The following SGMS1 variants were observed in gnomAD, a reference collection of about 807,000 sequenced individuals.
SGMS1 encodes the protein phosphatidylcholine:ceramide cholinephosphotransferase 1.
A neutral mutation model predicts 46.2 loss-of-function variants in SGMS1; 13 were observed. That is an observed-to-expected ratio of 0.28 (90% CI 0.18 to 0.45). SGMS1 has a LOEUF of 0.45. Ranked by LOEUF, SGMS1 falls within the 20% of genes least tolerant of loss-of-function variation. The pLI is 1.00. For missense variants in SGMS1, 324 were observed against 519.9 expected (o/e 0.62, Z 3.66); for synonymous variants, 203 against 187.8 (o/e 1.08, Z -0.66).
At chr10:50,350,241 T>C (rs951005671) in intron 6 of SGMS1, among the ~76,000 whole-genome samples, 1 of 152,156 alleles carries the variant, frequency 6.6e-6, no homozygotes, top group Admixed American at 6.5e-5. Context: ...AGAGACGTTT[T>C]AGGGTACCTG....
chr10:50,539,603 A>G (rs532461174), intron 2 of SGMS1, among the ~76,000 whole-genome samples: 11 of 152,148 alleles, frequency 7.2e-5, no homozygotes, highest in Non-Finnish European at 1.6e-4. Flanking sequence ...GGGCCTCTCA[A>G]ATTCTGATTC....
chr10:50,475,581 GTT>G (rs1837413458), intron 3 of SGMS1, among the ~76,000 whole-genome samples: 1 of 152,180 alleles, frequency 6.6e-6, no homozygotes, highest in African/African-American at 2.4e-5. Flanking sequence ...GGTTGATATA[GTT>G]TGGCTCTGTG....
At chr10:50,537,143 G>C (rs115099836) in intron 2 of SGMS1, among the ~76,000 whole-genome samples, 1,763 of 152,278 alleles carry the variant, frequency 0.012, 32 homozygotes, top group African/African-American at 0.041. Context: ...CTAACTGAAT[G>C]ACTGATACAT....
At chr10:50,336,029 C>T (rs1414389662) in intron 7 of SGMS1, 1 of 152,038 alleles carries the variant, frequency 6.6e-6, no homozygotes, top group Non-Finnish European at 1.5e-5. Flanking sequence ...CAAAGAAGAC[C>T]ACCAGTTCAC....
At chr10:50,560,417 C>T (rs1266551284) in intron 2 of SGMS1, among the ~76,000 whole-genome samples, 1 of 136,006 alleles carries the variant, frequency 7.4e-6, no homozygotes, top group Non-Finnish European at 1.5e-5. Context: ...ACATATATTA[C>T]ATAATATGTG....
intron 2 of SGMS1, among the ~76,000 whole-genome samples, chr10:50,580,586 A>G (rs1338364597): frequency 6.6e-6 from 1 of 152,180 alleles, no homozygotes; most frequent in Admixed American, 6.5e-5. Flanking sequence ...GGTTGATATT[A>G]ATGACGTGAG....
At chr10:50,457,774 T>C (rs1837211253) in intron 5 of SGMS1, among the ~76,000 whole-genome samples, 1 of 152,206 alleles carries the variant, frequency 6.6e-6, no homozygotes, top group Non-Finnish European at 1.5e-5. Flanking sequence ...TAAATATTCA[T>C]CAAATTTTCT....
At chr10:50,588,721 ATTTTTTTTTT>A (rs71029314) in intron 2 of SGMS1, among the ~76,000 whole-genome samples, 202 of 92,232 alleles carry the variant, frequency 2.2e-3, no homozygotes, top group African/African-American at 8.3e-3. Context: ...GACTGATCTA[ATTTTTTTTTT>A]TTTTTTTTTT....
At chr10:50,494,127 T>C (rs1035393546) in intron 3 of SGMS1, among the ~76,000 whole-genome samples, 1 of 152,146 alleles carries the variant, frequency 6.6e-6, no homozygotes, top group Non-Finnish European at 1.5e-5. Context: ...AGTCAAAAAA[T>C]AACAAATGCT....
intron 7 of SGMS1, chr10:50,328,252 CCT>C (rs1316537561): frequency 4.3e-6 from 1 of 231,066 alleles, no homozygotes; most frequent in Non-Finnish European, 8.7e-6. Flanking sequence ...TCCCTCTCTA[CCT>C]CTCTCTTGTA....
At chr10:50,477,764 G>A (rs1200984773) in intron 3 of SGMS1, among the ~76,000 whole-genome samples, 3 of 152,098 alleles carry the variant, frequency 2.0e-5, no homozygotes, top group African/African-American at 7.2e-5. Context: ...AACATGTGTA[G>A]TACCTCCTCC....
At chr10:50,538,223 C>A (rs7902354) in intron 2 of SGMS1, among the ~76,000 whole-genome samples, 1 of 151,380 alleles carries the variant, frequency 6.6e-6, no homozygotes, top group Non-Finnish European at 1.5e-5. Flanking sequence ...TTTGGGAGGC[C>A]GAGGCAGGCA....
chr10:50,481,860 A>G (rs1052659875), intron 3 of SGMS1, among the ~76,000 whole-genome samples: 7 of 152,212 alleles, frequency 4.6e-5, no homozygotes, highest in Non-Finnish European at 8.8e-5. Flanking sequence ...AAAACACAAC[A>G]TGAGAACTTC....
In SGMS1 at chr10:50,306,784, T is replaced by TA. The variant is rs1327662660; in HGVS notation, c.*357dup. ...TGAAAAGTATGTTTTCCCAAGAAAA[T>TA]AATACGCTTTATTTCCAGATGTGAC... On this transcript the variant is annotated 3_prime_UTR_variant, in exon 11 of 11. Coordinates refer to ENST00000361781, the MANE Select transcript of SGMS1 (RefSeq NM_147156.4). 7 of 166,570 alleles carry TA rather than the reference T, an allele frequency of 4.2e-5. No homozygotes were observed. Among genetic ancestry groups the TA allele is most frequent in the Admixed American group, 1.3e-4 (2 of 15,668 alleles). The allele number at this position is 166,570 out of a possible 1,614,324, so 10.3% of individuals were successfully genotyped here. A position where few individuals can be genotyped will look rare whatever the true frequency, so the allele number is the denominator to read the frequency against.
chr10:50,433,399 T>G (rs939157299), intron 6 of SGMS1, 77 bp downstream of exon 6: 10 of 152,376 alleles, frequency 6.6e-5, no homozygotes, highest in Admixed American at 6.5e-4. Context: ...GATTGTGCTA[T>G]CCTTTTACCA....
intron 7 of SGMS1, among the ~76,000 whole-genome samples, chr10:50,338,001 T>A (rs930354503): frequency 1.3e-5 from 2 of 152,200 alleles, no homozygotes; most frequent in African/African-American, 4.8e-5. Flanking sequence ...TGGAAAGTTG[T>A]ATCTGTTCAT....
chr10:50,316,727 A>G (rs1847345462), intron 8 of SGMS1, among the ~76,000 whole-genome samples: 1 of 152,166 alleles, frequency 6.6e-6, no homozygotes, highest in East Asian at 1.9e-4. Context: ...CTGTTAAAAC[A>G]CTCAGACCAA....
intron 6 of SGMS1, among the ~76,000 whole-genome samples, chr10:50,388,376 G>A (rs1415509916): frequency 6.6e-6 from 1 of 151,146 alleles, no homozygotes; most frequent in Non-Finnish European, 1.5e-5. Flanking sequence ...GCTCATGCCT[G>A]TAATCCCAGC....
intron 2 of SGMS1, among the ~76,000 whole-genome samples, chr10:50,527,063 C>CAAAA (rs573386594): frequency 2.1e-3 from 185 of 89,990 alleles, no homozygotes; most frequent in African/African-American, 3.4e-3. Context: ...GACTCTGTCT[C>CAAAA]AAAAAAAAAA....
Sources: allele counts gnomAD v4.1 joint callset (sites outside exome capture counted in the v4.1 genomes callset), GRCh38; gene constraint gnomAD v4.1.1; transcripts MANE v1.5; gene names NCBI Gene and HGNC (gene_info 2026-07-23, HGNC 2026-07-21).